KIFAP3: variants seen among roughly 807,000 people sequenced by gnomAD.
KIFAP3 encodes the protein kinesin associated protein 3, also known as kinesin-associated protein 3.
A neutral mutation model predicts 106.5 loss-of-function variants in KIFAP3; 68 were observed. The ratio of observed to expected loss-of-function variants is 0.64; its 90% confidence interval spans 0.53 to 0.78. KIFAP3 has a LOEUF of 0.78. Ranked by LOEUF, KIFAP3 falls within the 30% of genes least tolerant of loss-of-function variation. The pLI, the probability that KIFAP3 is intolerant of heterozygous loss-of-function variation, is 0.00. For missense variants in KIFAP3, 780 were observed against 941.8 expected, an observed-to-expected ratio of 0.83 and a Z score of 2.25; for synonymous variants, 320 against 311.5, an observed-to-expected ratio of 1.03 and a Z score of -0.29.
At position 170,031,917 on chromosome 1, in the gene KIFAP3, C is replaced by A. The variant is rs201647033; in HGVS notation, c.810G>T (p.Gly270=). Residue 270 remains glycine (G), a synonymous_variant, in exon 8 of 20, where the codon GGG becomes GGT. Transcript: ENST00000361580. The part of the protein sequence containing the change: ...DYEKTFKKYQ[G]LVVKQEQLLR... ...ATAGCTGTTCCTGTTTTACCACAAG[C>A]CCCTGGTACTTTTTAAAGGTTTTTT... is the stretch of plus-strand genomic sequence containing the variant. 12 of 1,610,644 alleles carry A rather than the reference C, an allele frequency of 7.5e-6. No individual in the cohort carries two copies. The Admixed American group carries it at 1.8e-4, about 25-fold the overall frequency.
intron 17 of KIFAP3, among the ~76,000 whole-genome samples, chr1:169,967,507 T>C (rs1208101145): frequency 1.3e-5 from 2 of 151,800 alleles, no homozygotes; most frequent in East Asian, 3.9e-4. Context: ...TACTGCATAA[T>C]ATAAAGAACA....
intron 11 of KIFAP3, 29 bp downstream of exon 11, chr1:169,992,125 TG>T (rs756293277): frequency 9.3e-7 from 1 of 1,080,034 alleles, no homozygotes; most frequent in Non-Finnish European, 1.3e-6. Context: ...ATTTGTTAAA[TG>T]TTTTTCATAA....
At chr1:169,926,599 TGA>T (rs1663146240) in intron 19 of KIFAP3, among the ~76,000 whole-genome samples, 1 of 151,970 alleles carries the variant, frequency 6.6e-6, no homozygotes, top group African/African-American at 2.4e-5. Context: ...TATATAACAT[TGA>T]GTTATATATA....
At chr1:169,976,941 T>C (rs1666244863) in intron 16 of KIFAP3, among the ~76,000 whole-genome samples, 1 of 152,098 alleles carries the variant, frequency 6.6e-6, no homozygotes, top group African/African-American at 2.4e-5. Context: ...CCCAGGCTGG[T>C]CTCAAACACC....
intron 3 of KIFAP3, among the ~76,000 whole-genome samples, chr1:170,045,739 T>C (rs746043412): frequency 7.9e-5 from 12 of 152,190 alleles, no homozygotes; most frequent in Admixed American, 3.9e-4. Context: ...TTTTCAAAAA[T>C]TTCTTCCATT....
At chr1:170,003,914 C>CA (rs952547829) in intron 10 of KIFAP3, among the ~76,000 whole-genome samples, 111 of 152,256 alleles carry the variant, frequency 7.3e-4, no homozygotes, top group African/African-American at 2.6e-3. Context: ...AAGAGGAAGT[C>CA]AAATTGTCCC....
chr1:169,974,887 T>C (rs1258499142), intron 16 of KIFAP3, among the ~76,000 whole-genome samples: 2 of 152,032 alleles, frequency 1.3e-5, no homozygotes, highest in African/African-American at 2.4e-5. Context: ...TCAGCAGCCA[T>C]GGGAGACTGG....
At chr1:169,975,041 A>G (rs973412256) in intron 16 of KIFAP3, among the ~76,000 whole-genome samples, 1 of 152,086 alleles carries the variant, frequency 6.6e-6, no homozygotes, top group African/African-American at 2.4e-5. Flanking sequence ...AATAAAATAT[A>G]AATGCTATGT....
rs16862886 is a variant in KIFAP3, at chr1:169,983,186, C to T, written c.1506+84G>A. 4,053 of 765,348 alleles carry T rather than the reference C, an allele frequency of 5.3e-3. 111 individuals are homozygous for T. In the African/African-American group the frequency reaches 0.062, roughly 12 times the overall value. The allele number at this position is 765,348 out of a possible 1,614,324, so 47.4% of individuals were successfully genotyped here. On this transcript the variant is annotated intron_variant, in intron 13 of 19. Coordinates refer to ENST00000361580, the MANE Select transcript of KIFAP3 (RefSeq NM_014970.4). ...ATTTGGATTATAAATTAATATTTGA[C>T]GAGACCTCAGTAAGAGCTGTATTTC... is the stretch of plus-strand genomic sequence containing the variant.
chr1:169,984,805 A>G, intron 11 of KIFAP3, 115 bp from the exon 12 acceptor site: 1 of 558,656 alleles, frequency 1.8e-6, no homozygotes, highest in Non-Finnish European at 3.3e-6. Context: ...GCATAATATA[A>G]TTATTTACAT....
At chr1:170,035,273 A>G (rs950669724) in intron 6 of KIFAP3, among the ~76,000 whole-genome samples, 181 bp downstream of exon 6, 3 of 152,020 alleles carry the variant, frequency 2.0e-5, no homozygotes, top group Non-Finnish European at 2.9e-5. Context: ...AGACTAAATG[A>G]AAGATAGAAT....
intron 10 of KIFAP3, among the ~76,000 whole-genome samples, chr1:170,002,479 C>T (rs1274183772): frequency 1.3e-5 from 2 of 152,074 alleles, no homozygotes; most frequent in African/African-American, 2.4e-5. Context: ...TTAGGAGTCC[C>T]AATTTTCCTG....
chr1:170,032,519 T>C (rs1273358540), intron 7 of KIFAP3, among the ~76,000 whole-genome samples: 1 of 151,678 alleles, frequency 6.6e-6, no homozygotes, highest in Non-Finnish European at 1.5e-5. Flanking sequence ...TAAACAAATT[T>C]TAAAAATCAC....
intron 13 of KIFAP3, 134 bp from the exon 14 acceptor site, chr1:169,983,001 G>C: frequency 1.6e-6 from 1 of 621,782 alleles, no homozygotes; most frequent in Non-Finnish European, 2.4e-6. Context: ...TAATAATCTT[G>C]AGCTAAATTG....
chr1:170,005,388 C>T (rs1041736264), intron 10 of KIFAP3, among the ~76,000 whole-genome samples: 21 of 152,168 alleles, frequency 1.4e-4, no homozygotes, highest in Admixed American at 5.2e-4. Context: ...AATCATGCTG[C>T]TATAAAGACA....
intron 9 of KIFAP3, among the ~76,000 whole-genome samples, chr1:170,020,663 T>A (rs1668763084): frequency 6.6e-6 from 1 of 152,164 alleles, no homozygotes; most frequent in Non-Finnish European, 1.5e-5. Context: ...TTAGTCACGA[T>A]GGTCTCTATC....
At chr1:170,028,952 C>T (rs959619077) in intron 8 of KIFAP3, among the ~76,000 whole-genome samples, 2 of 151,940 alleles carry the variant, frequency 1.3e-5, no homozygotes, top group African/African-American at 4.8e-5. Flanking sequence ...AGGAAGAAGA[C>T]ACATACTCAC....
At chr1:169,997,006 A>C (rs1218868932) in intron 10 of KIFAP3, among the ~76,000 whole-genome samples, 1 of 152,188 alleles carries the variant, frequency 6.6e-6, no homozygotes, top group East Asian at 1.9e-4. Context: ...AAATTGGACA[A>C]TAACTGCATC....
chr1:170,016,872 T>C (rs909964752), intron 9 of KIFAP3, among the ~76,000 whole-genome samples: 1 of 152,154 alleles, frequency 6.6e-6, no homozygotes, highest in African/African-American at 2.4e-5. Flanking sequence ...CATTTGATCC[T>C]TGAAAACACT....
Sources: gnomAD v4.1 joint callset for allele counts (sites outside exome capture counted in the v4.1 genomes callset) on GRCh38, gnomAD v4.1.1 for gene constraint, MANE v1.5 for transcripts, NCBI Gene and HGNC (gene_info 2026-07-23, HGNC 2026-07-21) for gene names.